Variants in PPFIBP1 observed in about 807,000 individuals in gnomAD.
PPFIBP1 encodes liprin-beta-1.
A neutral mutation model predicts 137.8 loss-of-function variants in PPFIBP1; 112 were observed. The ratio of observed to expected loss-of-function variants is 0.81; its 90% CI spans 0.70 to 0.95. The LOEUF (loss-of-function observed/expected upper bound fraction) is 0.95, where lower values mean the gene tolerates loss of function less well. Ranked by LOEUF, PPFIBP1 falls within the 40% of genes least tolerant of loss-of-function variation. The pLI, the probability that PPFIBP1 is intolerant of heterozygous loss-of-function variation, is 0.00. For synonymous variants in PPFIBP1, 378 were observed against 417.3 expected, an observed-to-expected ratio of 0.91 and a Z score of 1.15; for missense variants, 1,083 against 1,196.6, an observed-to-expected ratio of 0.91 and a Z score of 1.40.
chr12:27,637,830 A>G (rs2057793898), intron 4 of PPFIBP1, among the ~76,000 whole-genome samples: 2 of 152,204 alleles, frequency 1.3e-5, no homozygotes. Flanking sequence ...GTAGAAGATT[A>G]TATACTTATA....
In PPFIBP1 at chr12:27,586,026, A is replaced by T. The variant is rs114436032; in HGVS notation, c.-36+7787A>T. Reference sequence around the variant, plus strand: ...GTCATTAGGAACAATAGCAGATTTTAAAATAGAGGAATTGTGTGTCAGCAA... The same window carrying T: ...GTCATTAGGAACAATAGCAGATTTTTAAATAGAGGAATTGTGTGTCAGCAA... On this transcript the variant is annotated intron_variant, in intron 2 of 29. Transcript: ENST00000228425. Among the ~76,000 whole-genome samples, 442 of 152,340 alleles carry T rather than the reference A, an allele frequency of 2.9e-3. 2 individuals carry two copies. Among genetic ancestry groups the T allele is most frequent in the African/African-American group, 0.01 (416 of 41,570 alleles).
At chr12:27,565,731 C>T (rs991550055) in intron 1 of PPFIBP1, among the ~76,000 whole-genome samples, 1 of 152,188 alleles carries the variant, frequency 6.6e-6, no homozygotes, top group Non-Finnish European at 1.5e-5. Context: ...GCTCTTACTT[C>T]TTCACTCCTT....
At chr12:27,626,610 A>T (rs2056839786) in intron 2 of PPFIBP1, among the ~76,000 whole-genome samples, 2 of 151,708 alleles carry the variant, frequency 1.3e-5, no homozygotes, top group South Asian at 2.1e-4. Flanking sequence ...TCTATCGCCC[A>T]GGCTGGAGTG....
At chr12:27,665,531 G>A (rs2059806599) in intron 12 of PPFIBP1, among the ~76,000 whole-genome samples, 1 of 152,202 alleles carries the variant, frequency 6.6e-6, no homozygotes, top group South Asian at 2.1e-4. Flanking sequence ...GAAAAACCCT[G>A]TAAGACAGGT....
intron 1 of PPFIBP1, among the ~76,000 whole-genome samples, chr12:27,572,772 A>G (rs1231700513): frequency 1.3e-5 from 2 of 152,072 alleles, no homozygotes; most frequent in Non-Finnish European, 2.9e-5. Flanking sequence ...TGCACACTAA[A>G]CCCTTTAAAG....
chr12:27,620,288 C>G (rs567274400), intron 2 of PPFIBP1, among the ~76,000 whole-genome samples: 3 of 152,278 alleles, frequency 2.0e-5, no homozygotes, highest in African/African-American at 7.2e-5. Flanking sequence ...CCAGATTCCA[C>G]TACCCCACCA....
In PPFIBP1 at chr12:27,647,773, T is replaced by C. The variant is rs1266301680; in HGVS notation, c.402T>C (p.Ile134=). 6.2e-7 allele frequency: 1 copy of C among 1,611,328 alleles called. No individual in the cohort carries two copies. Among genetic ancestry groups the C allele is most frequent in the East Asian group, 2.2e-5 (1 of 44,664 alleles). Reference sequence around the variant, plus strand: ...AGGTGGAGGCTCAGGGAGAGAAGATTCGAGATTTGGAGTTTTGTCTTGAAG... The same window carrying C: ...AGGTGGAGGCTCAGGGAGAGAAGATCCGAGATTTGGAGTTTTGTCTTGAAG... The part of the protein sequence containing the change: ...TDQVEAQGEK[I]RDLEFCLEEH... The change falls in exon 6 of 30, where the codon ATT becomes ATC. Residue 134 remains isoleucine (I), a synonymous_variant. Transcript: ENST00000228425.
chr12:27,614,843 G>A (rs1032789997), intron 2 of PPFIBP1, among the ~76,000 whole-genome samples: 2 of 152,134 alleles, frequency 1.3e-5, no homozygotes, highest in Admixed American at 6.5e-5. Context: ...ATGTTAGGGT[G>A]ATTTATTTTC....
rs577504161 is a variant in PPFIBP1, at chr12:27,686,648, A to C, written c.2248-737A>C. On this transcript the variant is annotated intron_variant, in intron 24 of 29. Coordinates refer to ENST00000228425, the MANE Select transcript of PPFIBP1 (RefSeq NM_003622.4). ...AATAGCAGACAGGTCCTTACTAAAA[A>C]ATAATTTAGAACTAGAGAATTATTA... is the stretch of plus-strand genomic sequence containing the variant. Among the ~76,000 whole-genome samples the C allele has an allele frequency of 2.6e-5, 4 of 152,338 alleles. No homozygotes were observed. In the South Asian group the frequency reaches 6.2e-4, roughly 24 times the overall value.
At chr12:27,576,483 TCATGGAAG>T (rs2050570119) in intron 1 of PPFIBP1, among the ~76,000 whole-genome samples, 1 of 152,190 alleles carries the variant, frequency 6.6e-6, no homozygotes, top group Non-Finnish European at 1.5e-5. Context: ...GACTCAGTCC[TCATGGAAG>T]TGTAGGTGCC....
chr12:27,560,758 C>T (rs1282169395), intron 1 of PPFIBP1, among the ~76,000 whole-genome samples: 3 of 152,208 alleles, frequency 2.0e-5, no homozygotes, highest in South Asian at 4.1e-4. Flanking sequence ...ATCCAGCCCT[C>T]CTGGTCCAGA....
At chr12:27,605,090 T>C (rs986047488) in intron 2 of PPFIBP1, among the ~76,000 whole-genome samples, 2 of 152,130 alleles carry the variant, frequency 1.3e-5, no homozygotes, top group South Asian at 4.1e-4. Context: ...GAGATTTGGG[T>C]GGGGACACAG....
At position 27,672,460 on chromosome 12, in the gene PPFIBP1, T is replaced by C. The variant is rs757413019; in HGVS notation, c.1296T>C (p.Asp432=). The C allele has an allele frequency of 2.5e-6, 4 of 1,609,182 alleles. No individual in the cohort carries two copies. The highest frequency in any genetic ancestry group is 3.4e-6 in the Non-Finnish European group (4 of 1,175,920). ...ACATAATCCTTGGTGCCACTGTTGA[T>C]ACCCAACTGTGTGATAAACTTTTGT... The part of the protein sequence containing the change: ...DGNIILGATV[D]TQLCDKLLTS... Residue 432 remains aspartate, a synonymous_variant, in exon 15 of 30, where the codon GAT becomes GAC. Coordinates refer to ENST00000228425, the MANE Select transcript of PPFIBP1 (RefSeq NM_003622.4).
intron 1 of PPFIBP1, among the ~76,000 whole-genome samples, chr12:27,553,113 A>G (rs965165368): frequency 6.6e-6 from 1 of 152,224 alleles, no homozygotes; most frequent in African/African-American, 2.4e-5. Flanking sequence ...AATCTTTGCT[A>G]CATAACTCAT....
chr12:27,688,198 TGCA>T, intron 25 of PPFIBP1, 97 bp from the exon 26 acceptor site: 3 of 1,310,954 alleles, frequency 2.3e-6, no homozygotes, highest in African/African-American at 1.5e-5. Flanking sequence ...CCTTTCTTTT[TGCA>T]TTTAGTGGGT....
chr12:27,660,922 T>C lies in PPFIBP1; in HGVS notation c.883T>C (p.Leu295=). 1 of 1,613,484 alleles carries C rather than the reference T, an allele frequency of 6.2e-7. No individual in the cohort carries two copies. Among genetic ancestry groups the C allele is most frequent in the Non-Finnish European group, 8.5e-7 (1 of 1,179,774 alleles). The part of the protein sequence containing the change: ...VQKMKKAVES[L]MAANEEKDRK... Reference sequence around the variant, plus strand: ...AAAAATGAAAAAAGCTGTGGAGTCCTTGATGGCAGCAAATGAAGAAAAGGT... The same window carrying C: ...AAAAATGAAAAAAGCTGTGGAGTCCCTGATGGCAGCAAATGAAGAAAAGGT... The change falls in exon 11 of 30, where the codon TTG becomes CTG. Residue 295 remains leucine, a synonymous_variant. Transcript: ENST00000228425.
intron 1 of PPFIBP1, among the ~76,000 whole-genome samples, chr12:27,572,236 CA>C (rs1364545749): frequency 6.6e-6 from 1 of 152,128 alleles, no homozygotes; most frequent in East Asian, 1.9e-4. Flanking sequence ...GTATTTGCCA[CA>C]AAGAAAAATT....
intron 2 of PPFIBP1, among the ~76,000 whole-genome samples, chr12:27,621,778 A>G (rs1378357473): frequency 1.3e-5 from 2 of 152,220 alleles, no homozygotes; most frequent in African/African-American, 4.8e-5. Context: ...TTCCTTGCCC[A>G]CAGTTTTTAC....
chr12:27,622,197 C>T (rs2056404374), intron 2 of PPFIBP1, among the ~76,000 whole-genome samples: 1 of 152,192 alleles, frequency 6.6e-6, no homozygotes, highest in African/African-American at 2.4e-5. Flanking sequence ...CTTTTTACAG[C>T]TGTGGTCCAG....
Sources: gnomAD v4.1 joint callset for allele counts (sites outside exome capture counted in the v4.1 genomes callset) on GRCh38, gnomAD v4.1.1 for gene constraint, MANE v1.5 for transcripts, NCBI Gene and HGNC (gene_info 2026-07-23, HGNC 2026-07-21) for gene names.